The following DYNC1H1 variants were observed in gnomAD, a reference collection of about 807,000 sequenced individuals.
DYNC1H1 encodes cytoplasmic dynein 1 heavy chain 1.
A neutral mutation model predicts 527.1 loss-of-function variants in DYNC1H1; 51 were observed. That is an observed-to-expected ratio of 0.10 (90% confidence interval 0.08 to 0.12). The LOEUF (loss-of-function observed/expected upper bound fraction) is 0.12, where lower values mean the gene tolerates loss of function less well. Among genes scored for constraint, DYNC1H1 ranks in the 10% least tolerant of loss-of-function variants. The pLI is 1.00. For synonymous variants in DYNC1H1, 2,189 were observed against 2,278.8 expected, an observed-to-expected ratio of 0.96 and a Z score of 1.12; for missense variants, 2,771 against 5,971.8, an observed-to-expected ratio of 0.46 and a Z score of 17.66.
rs770952640 is a variant in DYNC1H1, at chr14:102,041,730, C to T, written c.12098C>T (p.Thr4033Ile). Reference sequence around the variant, plus strand: ...CTCGACCTGACCCACATTGTGGGCACAGAGGTAATGTCCTGGTACAGCCCG... The same window carrying T: ...CTCGACCTGACCCACATTGTGGGCATAGAGGTAATGTCCTGGTACAGCCCG... Reference protein sequence around the residue: ...QPLDLTHIVGTEVKPNTPVLM... With the variant: ...QPLDLTHIVGIEVKPNTPVLM... The change falls in exon 65 of 78, where the codon ACA becomes ATA. Residue 4033 changes from threonine (T) to isoleucine (I), a missense_variant. Around this residue, in one of 32 missense-constraint regions of DYNC1H1, gnomAD observed 195 missense variants for 428.6 expected, o/e 0.45. Transcript: ENST00000360184. The surrounding 1 kb of genome is among the most constrained non-coding windows in gnomAD (Gnocchi z 4.5). The T allele has an allele frequency of 1.9e-6, 3 of 1,613,974 alleles. No individual in the cohort carries two copies. The highest frequency in any genetic ancestry group is 4.5e-5 in the East Asian group (2 of 44,886).
chr14:101,998,471 T>A (rs1454034013), intron 16 of DYNC1H1, among the ~76,000 whole-genome samples: 1 of 152,232 alleles, frequency 6.6e-6, no homozygotes, highest in Non-Finnish European at 1.5e-5. Context: ...TCTTTTTAAT[T>A]TTCAAATTTT....
At chr14:101,971,114 T>C (rs887416643) in intron 1 of DYNC1H1, among the ~76,000 whole-genome samples, 3 of 118,982 alleles carry the variant, frequency 2.5e-5, no homozygotes, top group Non-Finnish European at 4.9e-5. Context: ...TTTTTTTTTT[T>C]TGAGGCAGGG....
intron 15 of DYNC1H1, 73 bp from the exon 16 acceptor site, chr14:101,996,962 C>A: frequency 1.3e-6 from 2 of 1,551,196 alleles, no homozygotes; most frequent in Non-Finnish European, 1.7e-6. Context: ...CCTTCTCTTT[C>A]ATGGGGCTCT....
Position 102,039,312 on chromosome 14 carries a change from A to C in DYNC1H1, c.11460+58A>C. The C allele has an allele frequency of 7.4e-6, 12 of 1,611,482 alleles. No individual in the cohort carries two copies. The highest frequency in any genetic ancestry group is 1.0e-5 in the Non-Finnish European group (12 of 1,179,908). ...CCCCGCACAGTAGCTCCTTGGCCGC[A>C]CAGAGGCTGGCGGGCCCTGCACAGT... On this transcript the variant is annotated intron_variant, in intron 60 of 77. Transcript: ENST00000360184. The surrounding 1 kb of genome is among the most constrained non-coding windows in gnomAD (Gnocchi z 7.0).
intron 1 of DYNC1H1, among the ~76,000 whole-genome samples, chr14:101,968,000 C>T (rs569968438): frequency 6.6e-6 from 1 of 152,292 alleles, no homozygotes; most frequent in East Asian, 1.9e-4. Flanking sequence ...AATTGTCTTC[C>T]TCATAGTATG....
In DYNC1H1 at chr14:102,017,291, A is replaced by T; in HGVS notation, c.8052A>T (p.Arg2684Ser). 6.2e-7 allele frequency: 1 copy of T among 1,614,246 alleles called. No individual in the cohort carries two copies. The highest frequency in any genetic ancestry group is 8.5e-7 in the Non-Finnish European group (1 of 1,180,040). Residue 2684 changes from arginine (R) to serine (S), a missense_variant, in exon 39 of 78, where the codon AGA (arginine) becomes AGT (serine). By Grantham distance (110) the Arg-to-Ser change is moderately radical. This residue lies in a region of DYNC1H1 where 163 missense variants were observed against 346.9 expected (regional missense o/e 0.47). Transcript: ENST00000360184. This position sits in a 1 kb window ranked among gnomAD's most constrained non-coding sequence, Gnocchi z 4.6. The part of the protein sequence containing the change: ...YGTQRVISFI[R>S]QMVEHGGFYR... ...CCCAGAGGGTCATATCCTTCATCAG[A>T]CAGGTTTGTTTCTATCCACAAGGCC...
At position 102,003,866 on chromosome 14, in the gene DYNC1H1, C is replaced by A. The variant is rs137870490; in HGVS notation, c.4884-652C>A. Among the ~76,000 whole-genome samples, 860 of 152,136 alleles carry A rather than the reference C, an allele frequency of 5.7e-3. 6 individuals carry two copies. The highest frequency in any genetic ancestry group is 9.9e-3 in the Non-Finnish European group (675 of 68,012). On this transcript the variant is annotated intron_variant, in intron 23 of 77. Coordinates refer to ENST00000360184, the MANE Select transcript of DYNC1H1 (RefSeq NM_001376.5). Reference sequence around the variant, plus strand: ...TCTTGAATCCGGGAGGCGGAGGTTGCAGTGAGCCACGATTGCGCCGCTGCA... The same window carrying A: ...TCTTGAATCCGGGAGGCGGAGGTTGAAGTGAGCCACGATTGCGCCGCTGCA...
rs540207172 is a variant in DYNC1H1, at chr14:101,984,204, A to G, written c.1461+595A>G. On this transcript the variant is annotated intron_variant, in intron 7 of 77. Transcript: ENST00000360184. ...GGGGTCTCACCATGTTGCCCAGGCT[A>G]TTCTCGAACTCCTGAGCTCAAATGA... Among the ~76,000 whole-genome samples the G allele has an allele frequency of 2.7e-5, 4 of 150,378 alleles. No individual in the cohort carries two copies. In the East Asian group the frequency reaches 8.0e-4, roughly 30 times the overall value.
At chr14:102,046,155 A>G (rs1241099897) in intron 72 of DYNC1H1, among the ~76,000 whole-genome samples, 1 of 151,554 alleles carries the variant, frequency 6.6e-6, no homozygotes, top group Non-Finnish European at 1.5e-5. Context: ...GCGACAGAGC[A>G]AGACTTTGTC....
chr14:101,965,035 G>C lies in DYNC1H1; in HGVS notation c.256+88G>C. On this transcript the variant is annotated intron_variant, in intron 1 of 77. Coordinates refer to ENST00000360184, the MANE Select transcript of DYNC1H1 (RefSeq NM_001376.5). This position sits in a 1 kb window ranked among gnomAD's most constrained non-coding sequence, Gnocchi z 4.1. The stretch of plus-strand genomic sequence containing the variant: ...GTCCTCCGGGGTCGCAGATGTCCCC[G>C]GGATGGGAGGAGCCCGGCAGCTGCA... 2 of 1,390,416 alleles carry C rather than the reference G, an allele frequency of 1.4e-6. No individual in the cohort carries two copies. Among genetic ancestry groups the C allele is most frequent in the Non-Finnish European group, 1.9e-6 (2 of 1,028,364 alleles). 86.1% of individuals were successfully genotyped at this position (1,390,416 alleles called of 1,614,324 possible).
chr14:102,046,264 C>G (rs932281094), intron 72 of DYNC1H1, among the ~76,000 whole-genome samples: 2 of 152,156 alleles, frequency 1.3e-5, no homozygotes, highest in African/African-American at 4.8e-5. Flanking sequence ...CACAAAGCCT[C>G]CAAGCACTAC....
chr14:102,017,628 C>T lies in DYNC1H1; in HGVS notation c.8177+124C>T. On this transcript the variant is annotated intron_variant, in intron 40 of 77. Coordinates refer to ENST00000360184, the MANE Select transcript of DYNC1H1 (RefSeq NM_001376.5). This position sits in a 1 kb window ranked among gnomAD's most constrained non-coding sequence, Gnocchi z 4.6. Reference sequence around the variant, plus strand: ...ACAATACTGCTTATTGTGGATTCCTCTTGGGTTACTTCTCTGTGCTGTAAT... The same window carrying T: ...ACAATACTGCTTATTGTGGATTCCTTTTGGGTTACTTCTCTGTGCTGTAAT... 6.6e-7 allele frequency: 1 copy of T among 1,524,870 alleles called. No homozygotes were observed. The highest frequency in any genetic ancestry group is 1.1e-5 in the South Asian group (1 of 87,458). 94.5% of individuals were successfully genotyped at this position (1,524,870 alleles called of 1,614,324 possible).
In DYNC1H1 at chr14:102,023,504, G is replaced by A. The variant is rs1262067596; in HGVS notation, c.8637+624G>A. Reference sequence around the variant, plus strand: ...GCAGAAGTTGCGGTGAGCTGAGATCGCGCCATTGCACTGCAGCCTCAGCAA... The same window carrying A: ...GCAGAAGTTGCGGTGAGCTGAGATCACGCCATTGCACTGCAGCCTCAGCAA... On this transcript the variant is annotated intron_variant, in intron 43 of 77. Coordinates refer to ENST00000360184, the MANE Select transcript of DYNC1H1 (RefSeq NM_001376.5). 11 of 180,584 alleles carry A rather than the reference G, an allele frequency of 6.1e-5. 1 individual carries two copies. In the East Asian group the frequency reaches 1.0e-3, roughly 17 times the overall value. The allele number at this position is 180,584 out of a possible 1,614,324, so 11.2% of individuals were successfully genotyped here. A position where few individuals can be genotyped will look rare whatever the true frequency, so the allele number is the denominator to read the frequency against.
At chr14:101,976,851 C>A (rs538408088) in intron 2 of DYNC1H1, among the ~76,000 whole-genome samples, 1 of 152,068 alleles carries the variant, frequency 6.6e-6, no homozygotes, top group Non-Finnish European at 1.5e-5. Flanking sequence ...ACAAAAATAA[C>A]AAAGAAAGCA....
intron 74 of DYNC1H1, 95 bp downstream of exon 74, chr14:102,048,764 GC>G: frequency 7.1e-7 from 1 of 1,406,514 alleles, no homozygotes; most frequent in Non-Finnish European, 9.5e-7. Flanking sequence ...CGTGCAGACA[GC>G]CAGGCCTGCA....
At position 101,995,237 on chromosome 14, in the gene DYNC1H1, G is replaced by A. The variant is rs890917236; in HGVS notation, c.3501G>A (p.Val1167=). 6.2e-7 allele frequency: 1 copy of A among 1,614,232 alleles called. No individual in the cohort carries two copies. The highest frequency in any genetic ancestry group is 8.5e-7 in the Non-Finnish European group (1 of 1,180,048). The change falls in exon 15 of 78, where the codon GTG becomes GTA. Residue 1167 remains valine, a synonymous_variant. Coordinates refer to ENST00000360184, the MANE Select transcript of DYNC1H1 (RefSeq NM_001376.5). ...SVDTASTSDA[V]TFITYVQSLK... is the part of the protein sequence containing the mutation. ...ACACGGCCAGCACCTCCGATGCAGT[G>A]ACCTTCATCACCTATGTGCAGTCTT...
At chr14:102,031,004 C>G (rs1359722733) in intron 51 of DYNC1H1, among the ~76,000 whole-genome samples, 1 of 152,142 alleles carries the variant, frequency 6.6e-6, no homozygotes, top group Non-Finnish European at 1.5e-5. Flanking sequence ...AGAGTGCTTT[C>G]TTCTTGCCCA....
intron 44 of DYNC1H1, 109 bp downstream of exon 44, chr14:102,026,816 C>A: frequency 2.0e-6 from 3 of 1,479,586 alleles, no homozygotes; most frequent in Non-Finnish European, 2.8e-6. Context: ...TCCACCTCAG[C>A]CTTCTCCACC....
intron 1 of DYNC1H1, among the ~76,000 whole-genome samples, chr14:101,970,806 A>G (rs187662424): frequency 1.2e-3 from 187 of 152,190 alleles, no homozygotes; most frequent in Middle Eastern, 6.8e-3. Context: ...TTAAAAGGGA[A>G]AGAAGACAAA....
Sources: gnomAD v4.1 joint callset for allele counts (sites outside exome capture counted in the v4.1 genomes callset) on GRCh38, gnomAD v4.1.1 for gene constraint, gnomAD v4.1.1 regional missense constraint, Gnocchi (gnomAD v3.1) non-coding constraint, MANE v1.5 for transcripts, NCBI Gene and HGNC (gene_info 2026-07-23, HGNC 2026-07-21) for gene names.